ASTN2: variants seen among roughly 807,000 people sequenced by gnomAD.
ASTN2 encodes astrotactin-2.
A neutral mutation model predicts 139.8 loss-of-function variants in ASTN2; 54 were observed. That is an observed-to-expected ratio of 0.39 (90% CI 0.31 to 0.48). The LOEUF is 0.48. Ranked by LOEUF, ASTN2 falls within the 20% of genes least tolerant of loss-of-function variation. ASTN2 has a pLI of 0.95. For missense variants in ASTN2, 1,565 were observed against 1,725.1 expected (o/e 0.91, Z 1.64); for synonymous variants, 756 against 719.5 (o/e 1.05, Z -0.81).
In ASTN2 at chr9:116,892,537, GA is replaced by G. The variant is rs148578832; in HGVS notation, c.1890-28805del. On this transcript the variant is annotated intron_variant, in intron 10 of 22. Coordinates refer to ENST00000313400, the MANE Select transcript of ASTN2 (RefSeq NM_001365068.1). ...AATGAAGAGGTGAGAGCAAAAGAGAGAAGGCAGATGAAGCCAAGCTGGTCCC... is the reference window on the plus strand; with the variant it reads ...AATGAAGAGGTGAGAGCAAAAGAGAGAGGCAGATGAAGCCAAGCTGGTCCC... Among the ~76,000 whole-genome samples, 1,166 of 152,282 alleles carry G rather than the reference GA, an allele frequency of 7.7e-3. 11 individuals are homozygous for G. The highest frequency in any genetic ancestry group is 0.027 in the African/African-American group (1,134 of 41,558).
intron 12 of ASTN2, among the ~76,000 whole-genome samples, chr9:116,815,804 CAA>C (rs55954354): frequency 1.4e-3 from 34 of 24,098 alleles, no homozygotes; most frequent in East Asian, 7.6e-3. Context: ...GACTCCGTCT[CAA>C]AAAAAAAAAA....
At chr9:117,118,516 C>T (rs1404642640) in intron 4 of ASTN2, among the ~76,000 whole-genome samples, 1 of 152,184 alleles carries the variant, frequency 6.6e-6, no homozygotes, top group East Asian at 1.9e-4. Context: ...GGCTTTCTGA[C>T]ACTCTCCAGG....
At chr9:116,755,443 T>G (rs1181079076) in intron 13 of ASTN2, among the ~76,000 whole-genome samples, 1 of 152,128 alleles carries the variant, frequency 6.6e-6, no homozygotes, top group East Asian at 1.9e-4. Context: ...ACTGGACACA[T>G]TGACAGCAGG....
rs1382790623 is a variant in ASTN2 at position 116,449,493 on chromosome 9, T to C, written c.3498-6940A>G. ...TAGAGGAATAAAGTTTATGAAACGA[T>C]GCTTGACACATGGTAAGTGGTAAGT... On this transcript the variant is annotated intron_variant, in intron 20 of 22. Coordinates refer to ENST00000313400, the MANE Select transcript of ASTN2 (RefSeq NM_001365068.1). Among the ~76,000 whole-genome samples the C allele has an allele frequency of 2.0e-5, 3 of 152,242 alleles. No homozygotes were observed. The East Asian group carries it at 5.8e-4, about 29-fold the overall frequency.
intron 1 of ASTN2, among the ~76,000 whole-genome samples, chr9:117,391,429 A>G (rs1400967207): frequency 6.6e-6 from 1 of 152,212 alleles, no homozygotes; most frequent in Non-Finnish European, 1.5e-5. Context: ...GGATGGCAGC[A>G]GGCAAAAACA....
At chr9:116,682,956 G>C (rs1412429531) in intron 16 of ASTN2, among the ~76,000 whole-genome samples, 2 of 151,642 alleles carry the variant, frequency 1.3e-5, no homozygotes, top group Non-Finnish European at 2.9e-5. Context: ...CAGCACACCA[G>C]CATGGCACAT....
At chr9:117,345,617 C>T (rs1434923188) in intron 1 of ASTN2, among the ~76,000 whole-genome samples, 2 of 152,048 alleles carry the variant, frequency 1.3e-5, no homozygotes, top group Non-Finnish European at 2.9e-5. Context: ...TGAAACTAAA[C>T]AAAAACAAAT....
chr9:116,531,058 A>T (rs1227627761), intron 19 of ASTN2, among the ~76,000 whole-genome samples: 2 of 152,206 alleles, frequency 1.3e-5, no homozygotes, highest in East Asian at 3.8e-4. Flanking sequence ...TTATTCAATT[A>T]CTATGTATTA....
At chr9:116,890,582 C>T (rs1026515358) in intron 10 of ASTN2, among the ~76,000 whole-genome samples, 6 of 152,152 alleles carry the variant, frequency 3.9e-5, no homozygotes, top group South Asian at 2.1e-4. Context: ...CTTAAGCTTT[C>T]GAAAGTCCCC....
At chr9:117,024,406 G>T (rs1441422687) in intron 6 of ASTN2, among the ~76,000 whole-genome samples, 1 of 143,788 alleles carries the variant, frequency 7.0e-6, no homozygotes, top group Non-Finnish European at 1.5e-5. Context: ...TCTCAGAATT[G>T]TTTTTTTTTA....
At chr9:116,738,271 C>T (rs1828997945) in intron 13 of ASTN2, among the ~76,000 whole-genome samples, 1 of 151,820 alleles carries the variant, frequency 6.6e-6, no homozygotes, top group Non-Finnish European at 1.5e-5. Flanking sequence ...GAGGCTGAGG[C>T]AGAAAGATCC....
intron 14 of ASTN2, among the ~76,000 whole-genome samples, chr9:116,732,752 TTGCAGGGGTGGGGGAGCGGCAAAG>T (rs1347614722): frequency 9.9e-5 from 15 of 152,282 alleles, no homozygotes; most frequent in African/African-American, 3.4e-4. Context: ...GAGAAAGTGG[TTGCAGGGGTGGGGGAGCGGCAAAG>T]TGGAGTAGAA....
Position 116,563,555 on chromosome 9 carries a change from T to G in ASTN2, c.3355+54769A>C, listed in dbSNP as rs1388263373. Among the ~76,000 whole-genome samples the G allele has an allele frequency of 2.0e-5, 3 of 152,248 alleles. No homozygotes were observed. The East Asian group carries it at 5.8e-4, about 29-fold the overall frequency. On this transcript the variant is annotated intron_variant, in intron 19 of 22. Coordinates refer to ENST00000313400, the MANE Select transcript of ASTN2 (RefSeq NM_001365068.1). Reference sequence around the variant, plus strand: ...CACTTGCTATTCCCTCTACCTGAGATGCTCTTTGTTCAGGTCTCTCATCTC... The same window carrying G: ...CACTTGCTATTCCCTCTACCTGAGAGGCTCTTTGTTCAGGTCTCTCATCTC...
rs150098718 is a variant in ASTN2, at chr9:116,927,888, G to A, written c.1889+47320C>T. 5.5e-3 allele frequency among the ~76,000 whole-genome samples: 836 copies of A among 152,272 alleles called. 5 individuals are homozygous for A. The highest frequency in any genetic ancestry group is 0.019 in the African/African-American group (794 of 41,550). On this transcript the variant is annotated intron_variant, in intron 10 of 22. Coordinates refer to ENST00000313400, the MANE Select transcript of ASTN2 (RefSeq NM_001365068.1). ...CTGCATAAAACTGGTTGTCAATGCCGACAGCTCCCTGTGGTGTTTTTCTTC... is the reference window on the plus strand; with the variant it reads ...CTGCATAAAACTGGTTGTCAATGCCAACAGCTCCCTGTGGTGTTTTTCTTC...
chr9:116,659,883 A>C (rs552269588), intron 16 of ASTN2, among the ~76,000 whole-genome samples: 1 of 152,308 alleles, frequency 6.6e-6, no homozygotes, highest in Admixed American at 6.5e-5. Context: ...GAAAGGCTCT[A>C]TTAAACTTAG....
rs145454150 is a variant in ASTN2 at position 117,043,647 on chromosome 9, G to A, written c.1277-3682C>T. On this transcript the variant is annotated intron_variant, in intron 5 of 22. Coordinates refer to ENST00000313400, the MANE Select transcript of ASTN2 (RefSeq NM_001365068.1). The stretch of plus-strand genomic sequence containing the variant: ...ATGATGGCTGGGCACAGTGGCTCAC[G>A]CCTATAATCCCAGCACTTTGGGAGA... Among the ~76,000 whole-genome samples the A allele has an allele frequency of 9.4e-3, 1,430 of 152,202 alleles. 20 individuals carry two copies. The highest frequency in any genetic ancestry group is 0.033 in the African/African-American group (1,351 of 41,532).
chr9:116,597,063 G>C (rs1016091871), intron 19 of ASTN2, among the ~76,000 whole-genome samples: 9 of 150,784 alleles, frequency 6.0e-5, no homozygotes, highest in Admixed American at 4.0e-4. Context: ...CAAATATAAG[G>C]GGATTATCTC....
rs1360225713 is a variant in ASTN2, at chr9:116,620,393, A to G, written c.3123T>C (p.Asp1041=). The change falls in exon 18 of 23, where the codon GAT becomes GAC. Residue 1041 remains aspartate, a synonymous_variant. Transcript: ENST00000313400. ...MSSYWCSGKG[D]VIDDWCRCDL... is the part of the protein sequence containing the mutation. ...CACACCTGCACCAGTCATCGATCAC[A>G]TCCCCTTTCCCTGAGCACCAGTAGG... The G allele has an allele frequency of 6.2e-7, 1 of 1,614,148 alleles. No individual in the cohort carries two copies. Among genetic ancestry groups the G allele is most frequent in the East Asian group, 2.2e-5 (1 of 44,890 alleles).
At chr9:117,120,846 T>C (rs1829540138) in intron 4 of ASTN2, among the ~76,000 whole-genome samples, 1 of 152,180 alleles carries the variant, frequency 6.6e-6, no homozygotes, top group African/African-American at 2.4e-5. Context: ...GCATGAGTGA[T>C]GGTCTGTATC....
Sources: allele counts gnomAD v4.1 joint callset (sites outside exome capture counted in the v4.1 genomes callset), GRCh38; gene constraint gnomAD v4.1.1; transcripts MANE v1.5; gene names NCBI Gene and HGNC (gene_info 2026-07-23, HGNC 2026-07-21).